Variants in PTPN13 observed in about 807,000 individuals in gnomAD.
PTPN13 encodes the protein protein tyrosine phosphatase non-receptor type 13.
Under a neutral mutation model 284.0 loss-of-function variants are expected in PTPN13, and 191 were observed. The observed-to-expected ratio is 0.67, with a 90% CI of 0.60 to 0.76. PTPN13 has a LOEUF of 0.76. PTPN13 is among the 30% of genes least tolerant of loss of function. The pLI is 0.00. For synonymous variants in PTPN13, 986 were observed against 1,022.3 expected (o/e 0.96, Z 0.68); for missense variants, 2,797 against 2,939.9 (o/e 0.95, Z 1.12).
intron 2 of PTPN13, among the ~76,000 whole-genome samples, chr4:86,669,806 G>A (rs1238683684): frequency 2.0e-5 from 3 of 152,082 alleles, no homozygotes; most frequent in Non-Finnish European, 1.5e-5. Context: ...GCTGTGATCC[G>A]CAATCATTTA....
intron 2 of PTPN13, among the ~76,000 whole-genome samples, chr4:86,640,032 G>A (rs934557858): frequency 2.6e-5 from 4 of 152,132 alleles, no homozygotes; most frequent in Admixed American, 1.3e-4. Flanking sequence ...ACTACTGATT[G>A]AGTACAGGAA....
rs547403552 is a variant in PTPN13 at position 86,805,761 on chromosome 4, A to T, written c.6745+392A>T. On this transcript the variant is annotated intron_variant, in intron 44 of 47. Transcript: ENST00000411767. ...AATTTATTCCACTTATTTTTAGTTT[A>T]GAGAAATATCTATGGTAATGAATAG... is the stretch of plus-strand genomic sequence containing the variant. 6.6e-5 allele frequency among the ~76,000 whole-genome samples: 10 copies of T among 152,322 alleles called. 1 individual carries two copies. In the South Asian group the frequency reaches 1.7e-3, roughly 25 times the overall value.
intron 17 of PTPN13, among the ~76,000 whole-genome samples, chr4:86,746,347 A>T (rs916595847): frequency 2.6e-5 from 4 of 152,222 alleles, no homozygotes; most frequent in Non-Finnish European, 5.9e-5. Flanking sequence ...TGATTTAAAA[A>T]TTTAATGGAA....
chr4:86,707,395 T>A (rs1371705515), intron 7 of PTPN13, among the ~76,000 whole-genome samples: 3 of 152,214 alleles, frequency 2.0e-5, no homozygotes, highest in African/African-American at 7.2e-5. Context: ...TGCTATCCTG[T>A]GACTGCCCTG....
intron 3 of PTPN13, among the ~76,000 whole-genome samples, chr4:86,674,299 G>A (rs1290295201): frequency 2.6e-5 from 4 of 152,114 alleles, no homozygotes; most frequent in Non-Finnish European, 5.9e-5. Context: ...TTTCCCATAT[G>A]TCATTCCACA....
chr4:86,694,605 GA>G (rs1730404289), intron 6 of PTPN13, among the ~76,000 whole-genome samples: 1 of 107,020 alleles, frequency 9.3e-6, no homozygotes, highest in African/African-American at 3.6e-5. Flanking sequence ...AAAAAAAAAA[GA>G]ATGGAAATTT....
intron 2 of PTPN13, among the ~76,000 whole-genome samples, chr4:86,637,528 C>A (rs531712934): frequency 0.046 from 7,005 of 151,604 alleles, 210 homozygotes; most frequent in African/African-American, 0.06. Flanking sequence ...GTTCAATATA[C>A]GCAAATCAAT....
At chr4:86,629,680 A>G (rs1722247407) in intron 1 of PTPN13, among the ~76,000 whole-genome samples, 1 of 152,182 alleles carries the variant, frequency 6.6e-6, no homozygotes, top group Non-Finnish European at 1.5e-5. Flanking sequence ...AATGGCCTTC[A>G]AGACCTTATT....
intron 5 of PTPN13, among the ~76,000 whole-genome samples, chr4:86,691,482 C>T (rs900355357): frequency 1.3e-5 from 2 of 152,186 alleles, no homozygotes; most frequent in East Asian, 3.9e-4. Flanking sequence ...ATAATGCTCC[C>T]CTTACCTTTC....
At chr4:86,789,945 G>T (rs964706079) in intron 40 of PTPN13, among the ~76,000 whole-genome samples, 2 of 151,276 alleles carry the variant, frequency 1.3e-5, no homozygotes, top group Non-Finnish European at 2.9e-5. Context: ...TTGCCCCACT[G>T]TAACTTATTT....
intron 23 of PTPN13, among the ~76,000 whole-genome samples, chr4:86,760,874 A>G (rs1738590120): frequency 6.6e-6 from 1 of 152,030 alleles, no homozygotes; most frequent in Admixed American, 6.6e-5. Context: ...TAAAACCCAA[A>G]AGAACTTAGA....
At chr4:86,677,798 T>G (rs1728463836) in intron 3 of PTPN13, among the ~76,000 whole-genome samples, 1 of 152,224 alleles carries the variant, frequency 6.6e-6, no homozygotes, top group South Asian at 2.1e-4. Flanking sequence ...TGTTAATGGC[T>G]TAATGTTTTG....
At chr4:86,810,085 G>A (rs11930396) in intron 46 of PTPN13, 101 bp downstream of exon 46, 248,004 of 900,792 alleles carry the variant, frequency 0.28, 34,238 homozygotes, top group East Asian at 0.34. Flanking sequence ...TAACTTATGA[G>A]TTTATATGAC....
chr4:86,806,593 A>G (rs1260644417), intron 44 of PTPN13, among the ~76,000 whole-genome samples: 1 of 152,168 alleles, frequency 6.6e-6, no homozygotes, highest in Non-Finnish European at 1.5e-5. Context: ...GGCCAGTTGA[A>G]TATCTCAAAA....
chr4:86,696,265 A>C (rs1200234751), intron 6 of PTPN13, among the ~76,000 whole-genome samples: 1 of 151,956 alleles, frequency 6.6e-6, no homozygotes, highest in African/African-American at 2.4e-5. Flanking sequence ...TAAGTTCATT[A>C]GTTTTTATAG....
chr4:86,745,181 G>A, intron 17 of PTPN13, 53 bp downstream of exon 17: 2 of 1,525,032 alleles, frequency 1.3e-6, no homozygotes, highest in Non-Finnish European at 1.8e-6. Flanking sequence ...AATAATTTTT[G>A]CCACCAAGTT....
At chr4:86,795,494 A>T (rs919055646) in intron 40 of PTPN13, among the ~76,000 whole-genome samples, 1 of 152,196 alleles carries the variant, frequency 6.6e-6, no homozygotes, top group Admixed American at 6.5e-5. Flanking sequence ...TTCCTCAAGG[A>T]TCTAGAACTA....
chr4:86,750,652 C>T lies in PTPN13; in HGVS notation c.2833C>T (p.Pro945Ser). ...LSCSELSLYQPLQNSSKEKND... is the reference protein window; with the variant it reads ...LSCSELSLYQSLQNSSKEKND... ...CTGCTCAGAGCTGTCGCTTTACCAG[C>T]CATTGCAAAACAGTTCAAAAGAGAA... is the stretch of plus-strand genomic sequence containing the variant. Residue 945 changes from proline to serine, a missense_variant, in exon 18 of 48, where the codon CCA becomes TCA. By Grantham distance (74) the Pro-to-Ser change is moderately conservative. Transcript: ENST00000411767. 1 of 1,613,920 alleles carries T rather than the reference C, an allele frequency of 6.2e-7. No homozygotes were observed. The highest frequency in any genetic ancestry group is 8.5e-7 in the Non-Finnish European group (1 of 1,179,870).
At chr4:86,755,076 C>T (rs1737819283) in intron 20 of PTPN13, among the ~76,000 whole-genome samples, 1 of 151,946 alleles carries the variant, frequency 6.6e-6, no homozygotes, top group Non-Finnish European at 1.5e-5. Context: ...AATATGGGAC[C>T]TCTTACTCTA....
Sources: gnomAD v4.1 joint callset for allele counts (sites outside exome capture counted in the v4.1 genomes callset) on GRCh38, gnomAD v4.1.1 for gene constraint, MANE v1.5 for transcripts, NCBI Gene and HGNC (gene_info 2026-07-23, HGNC 2026-07-21) for gene names.